CNTNAP2: variants seen among roughly 807,000 people sequenced by gnomAD.
CNTNAP2 encodes contactin-associated protein-like 2.
A neutral mutation model predicts 155.2 loss-of-function variants in CNTNAP2; 98 were observed. The observed-to-expected ratio is 0.63, with a 90% CI of 0.54 to 0.75. CNTNAP2 has a LOEUF of 0.75. Ranked by LOEUF, CNTNAP2 falls within the 30% of genes least tolerant of loss-of-function variation. The probability of loss-of-function intolerance (pLI) is 0.00; values close to 1 mark genes in which losing one functional copy is unlikely to be tolerated. For missense variants in CNTNAP2, 1,727 were observed against 1,688.1 expected (o/e 1.02, Z -0.40); for synonymous variants, 651 against 631.2 (o/e 1.03, Z -0.47).
At chr7:146,176,231 T>G (rs1798468005) in intron 1 of CNTNAP2, among the ~76,000 whole-genome samples, 1 of 152,162 alleles carries the variant, frequency 6.6e-6, no homozygotes, top group Non-Finnish European at 1.5e-5. Context: ...GATTTCAAAC[T>G]TCTAAGTGTT....
rs1249710962 is a variant in CNTNAP2, at chr7:146,535,276, T to A, written c.98-238995T>A. On this transcript the variant is annotated intron_variant, in intron 1 of 23. Coordinates refer to ENST00000361727, the MANE Select transcript of CNTNAP2 (RefSeq NM_014141.6). ...ATGATATTATATCATATATATTATA[T>A]ATTATATTATATAATGTATATTATA... is the stretch of plus-strand genomic sequence containing the variant. Among the ~76,000 whole-genome samples the A allele has an allele frequency of 3.4e-5, 2 of 57,998 alleles. 1 individual carries two copies. Among genetic ancestry groups the A allele is most frequent in the Non-Finnish European group, 5.1e-5 (2 of 38,840 alleles). 38.0% of individuals were successfully genotyped at this position (57,998 alleles called of 152,430 possible).
At chr7:146,834,648 A>T (rs1281776875) in intron 2 of CNTNAP2, among the ~76,000 whole-genome samples, 1 of 152,140 alleles carries the variant, frequency 6.6e-6, no homozygotes, top group African/African-American at 2.4e-5. Context: ...ACAATACACT[A>T]GTTATTTGCT....
chr7:147,439,334 T>A (rs1020148553), intron 10 of CNTNAP2, among the ~76,000 whole-genome samples: 1 of 152,006 alleles, frequency 6.6e-6, no homozygotes, highest in African/African-American at 2.4e-5. Context: ...TTAATTTTTT[T>A]ATTGACCCAC....
intron 1 of CNTNAP2, among the ~76,000 whole-genome samples, chr7:146,742,178 G>T (rs1801729705): frequency 6.6e-6 from 1 of 151,324 alleles, no homozygotes; most frequent in Non-Finnish European, 1.5e-5. Flanking sequence ...TGCTTATTTT[G>T]CAGTCTTTTG....
intron 4 of CNTNAP2, among the ~76,000 whole-genome samples, chr7:147,074,563 G>T (rs1035458805): frequency 6.6e-6 from 1 of 152,008 alleles, no homozygotes; most frequent in Non-Finnish European, 1.5e-5. Context: ...TAAAAAACTT[G>T]CTTTCTTATC....
At chr7:148,019,762 G>A (rs934887623) in intron 15 of CNTNAP2, among the ~76,000 whole-genome samples, 3 of 149,480 alleles carry the variant, frequency 2.0e-5, no homozygotes, top group Non-Finnish European at 4.5e-5. Context: ...CATTCTCAGG[G>A]TATTCTTTTT....
intron 1 of CNTNAP2, among the ~76,000 whole-genome samples, chr7:146,675,095 A>C (rs1349328264): frequency 6.6e-6 from 1 of 152,176 alleles, no homozygotes; most frequent in East Asian, 1.9e-4. Flanking sequence ...GGCAAACATT[A>C]CATCTTATTT....
At chr7:148,328,078 G>A (rs1797922439) in intron 21 of CNTNAP2, among the ~76,000 whole-genome samples, 1 of 152,178 alleles carries the variant, frequency 6.6e-6, no homozygotes. Context: ...AACCTCTAAG[G>A]CACAAGTGTG....
chr7:147,897,800 T>G (rs577829044), intron 13 of CNTNAP2, among the ~76,000 whole-genome samples: 1 of 152,290 alleles, frequency 6.6e-6, no homozygotes, highest in African/African-American at 2.4e-5. Context: ...AACTCTAGAC[T>G]TCATAAGGAG....
chr7:148,098,672 A>C (rs1383637304), intron 15 of CNTNAP2, among the ~76,000 whole-genome samples: 1 of 149,196 alleles, frequency 6.7e-6, no homozygotes, highest in Admixed American at 6.6e-5. Context: ...CCATCTCTTT[A>C]AAAAAATTTT....
At chr7:147,141,507 C>T (rs1801597026) in intron 8 of CNTNAP2, among the ~76,000 whole-genome samples, 1 of 151,884 alleles carries the variant, frequency 6.6e-6, no homozygotes, top group African/African-American at 2.4e-5. Context: ...ATGCTTGGAA[C>T]AACTCCACAA....
intron 12 of CNTNAP2, among the ~76,000 whole-genome samples, chr7:147,601,278 G>C (rs1800937653): frequency 6.6e-6 from 1 of 152,082 alleles, no homozygotes; most frequent in Admixed American, 6.6e-5. Context: ...CCGGGTGCAG[G>C]CGGGCTGAGT....
chr7:148,250,308 C>T (rs1033840157), intron 20 of CNTNAP2, among the ~76,000 whole-genome samples: 3 of 152,188 alleles, frequency 2.0e-5, no homozygotes, highest in Non-Finnish European at 4.4e-5. Context: ...GAAAAGACTT[C>T]GAATTTATCC....
chr7:147,168,025 T>C (rs945739650), intron 8 of CNTNAP2, among the ~76,000 whole-genome samples: 1 of 149,056 alleles, frequency 6.7e-6, no homozygotes, highest in Admixed American at 6.7e-5. Flanking sequence ...TATATGTATA[T>C]GTGTGTTTAC....
chr7:146,644,784 G>A (rs1474134361), intron 1 of CNTNAP2, among the ~76,000 whole-genome samples: 42 of 152,138 alleles, frequency 2.8e-4, no homozygotes, highest in Admixed American at 2.8e-3. Context: ...AAACCAGGAA[G>A]AAGTTGACTC....
chr7:147,660,696 G>A (rs778611596), intron 13 of CNTNAP2, among the ~76,000 whole-genome samples: 3 of 152,080 alleles, frequency 2.0e-5, no homozygotes, highest in Admixed American at 6.5e-5. Flanking sequence ...TTCTATGAGA[G>A]GTTAAAAAAT....
At chr7:146,629,089 T>C (rs901069000) in intron 1 of CNTNAP2, among the ~76,000 whole-genome samples, 1 of 152,180 alleles carries the variant, frequency 6.6e-6, no homozygotes, top group Non-Finnish European at 1.5e-5. Flanking sequence ...ACTAATGTTA[T>C]CTGCTTCCAT....
chr7:146,946,335 T>C (rs565844701), intron 3 of CNTNAP2, among the ~76,000 whole-genome samples: 1 of 152,304 alleles, frequency 6.6e-6, no homozygotes, highest in African/African-American at 2.4e-5. Context: ...TAAAAGTTCA[T>C]TGTTTTTATG....
At chr7:147,615,735 C>T (rs1162846230) in intron 12 of CNTNAP2, among the ~76,000 whole-genome samples, 3 of 151,994 alleles carry the variant, frequency 2.0e-5, no homozygotes, top group African/African-American at 7.2e-5. Flanking sequence ...CCCTTCGAGA[C>T]TGATATAATC....
Sources: gnomAD v4.1 joint callset for allele counts (sites outside exome capture counted in the v4.1 genomes callset) on GRCh38, gnomAD v4.1.1 for gene constraint, MANE v1.5 for transcripts, NCBI Gene and HGNC (gene_info 2026-07-23, HGNC 2026-07-21) for gene names.